Variants in SETD2 observed in about 807,000 individuals in gnomAD.
SETD2 encodes SET domain containing 2, histone lysine methyltransferase.
In SETD2, 31 loss-of-function variants were observed where a neutral mutation model predicts 242.1. The observed-to-expected ratio is 0.13, with a 90% CI of 0.10 to 0.17. SETD2 has a LOEUF of 0.17. SETD2 is among the 10% of genes least tolerant of loss of function. SETD2 has a pLI of 1.00. For synonymous variants in SETD2, 1,006 were observed against 1,066.5 expected (o/e 0.94, Z 1.11); for missense variants, 2,481 against 3,046.3 (o/e 0.81, Z 4.37).
intron 1 of SETD2, among the ~76,000 whole-genome samples, chr3:47,153,671 T>G (rs1438954429): frequency 6.6e-6 from 1 of 151,944 alleles, no homozygotes; most frequent in East Asian, 1.9e-4. Flanking sequence ...GAGGATTGCT[T>G]GAGCCCAAGA....
intron 10 of SETD2, 121 bp downstream of exon 10, chr3:47,087,992 C>CAAATAAAT: frequency 1.9e-6 from 1 of 528,810 alleles, no homozygotes; most frequent in African/African-American, 2.8e-5. Flanking sequence ...AACAAACAAA[C>CAAATAAAT]AAATAAATAA....
intron 13 of SETD2, among the ~76,000 whole-genome samples, chr3:47,063,380 G>T (rs2040423542): frequency 6.6e-6 from 1 of 152,134 alleles, no homozygotes; most frequent in Non-Finnish European, 1.5e-5. Context: ...AAGAGGCTGA[G>T]GCAGGAAGAC....
chr3:47,083,758 A>T lies in SETD2; in HGVS notation c.6022T>A (p.Leu2008Met), dbSNP rs2041417187. 16 of 1,613,396 alleles carry T rather than the reference A, an allele frequency of 9.9e-6. No individual in the cohort carries two copies. The highest frequency in any genetic ancestry group is 1.4e-5 in the Non-Finnish European group (16 of 1,179,730). Residue 2008 changes from leucine (L) to methionine (M), a missense_variant, in exon 12 of 21, where the codon TTG becomes ATG. This residue lies in a region of SETD2 where 203 missense variants were observed against 222.4 expected (regional missense o/e 0.91). Coordinates refer to ENST00000409792, the MANE Select transcript of SETD2 (RefSeq NM_014159.7). ...CAACTGTCCAGGAGTTTGGTGGCCA[A>T]ATCACTTATATCCACTGTTTTATCT... ...QPDKTVDISD[L>M]ATKLLDSWKD...
chr3:47,105,325 G>A (rs987151398), intron 6 of SETD2, among the ~76,000 whole-genome samples: 1 of 149,602 alleles, frequency 6.7e-6, no homozygotes, highest in Non-Finnish European at 1.5e-5. Context: ...CACAAGAATC[G>A]CTTGAACCCG....
At position 47,124,066 on chromosome 3, in the gene SETD2, C is replaced by T. The variant is rs752167577; in HGVS notation, c.570G>A (p.Pro190=). The T allele has an allele frequency of 1.2e-5, 18 of 1,551,612 alleles. No individual in the cohort carries two copies. In the Middle Eastern group the frequency reaches 5.0e-4, roughly 43 times the overall value. ...STTVDSPPSS[P]PPPPPPAQAT... ...CTTGGGCAGGTGGAGGCGGTGGAGGCGGAGATGAGGGCGGTGAGTCTACAG... is the reference window on the plus strand; with the variant it reads ...CTTGGGCAGGTGGAGGCGGTGGAGGTGGAGATGAGGGCGGTGAGTCTACAG... Residue 190 remains proline (P), a synonymous_variant, in exon 3 of 21, where the codon CCG becomes CCA. Coordinates refer to ENST00000409792, the MANE Select transcript of SETD2 (RefSeq NM_014159.7).
At chr3:47,108,371 A>G (rs932544068) in intron 5 of SETD2, among the ~76,000 whole-genome samples, 1 of 152,176 alleles carries the variant, frequency 6.6e-6, no homozygotes, top group African/African-American at 2.4e-5. Context: ...ATAAAAATAA[A>G]GCATATTGAT....
At chr3:47,087,008 T>C (rs1448973828) in intron 10 of SETD2, among the ~76,000 whole-genome samples, 1 of 151,174 alleles carries the variant, frequency 6.6e-6, no homozygotes, top group Non-Finnish European at 1.5e-5. Context: ...ACAACTGCGT[T>C]CCAGCCTGGG....
At chr3:47,105,658 G>T (rs1420537492) in intron 6 of SETD2, 6 of 450,156 alleles carry the variant, frequency 1.3e-5, no homozygotes, top group Admixed American at 2.5e-5. Context: ...GGACACGGTG[G>T]CTCATGCCTG....
At chr3:47,082,801 T>C (rs2041372546) in intron 12 of SETD2, among the ~76,000 whole-genome samples, 2 of 152,200 alleles carry the variant, frequency 1.3e-5, no homozygotes, top group Non-Finnish European at 2.9e-5. Context: ...GCCAGTTTCA[T>C]TGGGTCAAAT....
intron 1 of SETD2, among the ~76,000 whole-genome samples, chr3:47,151,518 G>T (rs2043982824): frequency 6.6e-6 from 1 of 152,076 alleles, no homozygotes; most frequent in South Asian, 2.1e-4. Flanking sequence ...TTCATATCCT[G>T]ACACCATCAT....
At chr3:47,084,467 C>A in intron 11 of SETD2, 85 bp from the exon 12 acceptor site, 1 of 920,854 alleles carries the variant, frequency 1.1e-6, no homozygotes. Flanking sequence ...CTCTGTCACC[C>A]AGGCTGGAAT....
chr3:47,107,406 C>T (rs2042469237), intron 5 of SETD2, among the ~76,000 whole-genome samples: 1 of 151,818 alleles, frequency 6.6e-6, no homozygotes, highest in South Asian at 2.1e-4. Flanking sequence ...GAGAAAAGAA[C>T]ACATATATTA....
chr3:47,106,133 AG>A lies in SETD2; in HGVS notation c.4716-14del. On this transcript the variant is annotated splice_polypyrimidine_tract_variant and intron_variant, in intron 5 of 20. Coordinates refer to ENST00000409792, the MANE Select transcript of SETD2 (RefSeq NM_014159.7). ...GACAAAGGTGTTCCTGCAAACCAAA[AG>A]GAAAAAAATAGCACTTCCTACCTAG... The A allele has an allele frequency of 6.2e-7, 1 of 1,608,786 alleles. No homozygotes were observed. The highest frequency in any genetic ancestry group is 2.2e-5 in the East Asian group (1 of 44,758).
At chr3:47,115,977 C>T (rs2042837432) in intron 4 of SETD2, among the ~76,000 whole-genome samples, 1 of 152,124 alleles carries the variant, frequency 6.6e-6, no homozygotes, top group South Asian at 2.1e-4. Context: ...AAGATATTTA[C>T]TATTTATAAG....
At chr3:47,160,586 C>T (rs1050860459) in intron 1 of SETD2, among the ~76,000 whole-genome samples, 1 of 151,836 alleles carries the variant, frequency 6.6e-6, no homozygotes, top group African/African-American at 2.4e-5. Flanking sequence ...CTGGGATTAC[C>T]GATGAAAGCC....
At chr3:47,157,204 A>T (rs765192832) in intron 1 of SETD2, among the ~76,000 whole-genome samples, 12 of 152,070 alleles carry the variant, frequency 7.9e-5, no homozygotes, top group Non-Finnish European at 1.8e-4. Flanking sequence ...TTGAGGCTAC[A>T]GTGAGCCATC....
chr3:47,143,981 A>G (rs2043794901), intron 1 of SETD2, among the ~76,000 whole-genome samples: 2 of 151,984 alleles, frequency 1.3e-5, no homozygotes, highest in South Asian at 2.1e-4. Flanking sequence ...AAGTGCCGGG[A>G]TTACAGGCAT....
At chr3:47,109,184 T>G (rs2042555623) in intron 5 of SETD2, among the ~76,000 whole-genome samples, 1 of 152,112 alleles carries the variant, frequency 6.6e-6, no homozygotes, top group Non-Finnish European at 1.5e-5. Context: ...TGCAACTCCC[T>G]TTAAGCTTCA....
intron 8 of SETD2, 114 bp from the exon 9 acceptor site, chr3:47,098,195 A>C: frequency 9.4e-7 from 1 of 1,059,634 alleles, no homozygotes; most frequent in Non-Finnish European, 1.3e-6. Context: ...AACAAAAACC[A>C]TAACTTGAAG....
Sources: gnomAD v4.1 joint callset for allele counts (sites outside exome capture counted in the v4.1 genomes callset) on GRCh38, gnomAD v4.1.1 for gene constraint, gnomAD v4.1.1 regional missense constraint, MANE v1.5 for transcripts, NCBI Gene and HGNC (gene_info 2026-07-23, HGNC 2026-07-21) for gene names.